Variants in PPM1E observed in about 807,000 individuals in gnomAD.
The protein encoded by PPM1E is protein phosphatase, Mg2+/Mn2+ dependent 1E, also known as protein phosphatase 1E.
A neutral mutation model predicts 65.9 loss-of-function variants in PPM1E; 20 were observed. The observed-to-expected ratio is 0.30, with a 90% confidence interval of 0.21 to 0.44. PPM1E has a LOEUF of 0.44. PPM1E is among the 20% of genes least tolerant of loss of function. The pLI is 1.00. For missense variants in PPM1E, 713 were observed against 953.1 expected, an observed-to-expected ratio of 0.75 and a Z score of 3.32; for synonymous variants, 352 against 374.9, an observed-to-expected ratio of 0.94 and a Z score of 0.70.
intron 1 of PPM1E, among the ~76,000 whole-genome samples, chr17:58,888,418 G>A (rs1454876210): frequency 7.4e-6 from 1 of 134,812 alleles, no homozygotes; most frequent in Non-Finnish European, 1.5e-5. Context: ...AGGCTAGAGT[G>A]CAGAGGCTCA....
intron 1 of PPM1E, among the ~76,000 whole-genome samples, chr17:58,891,282 T>G (rs1280061239): frequency 6.6e-6 from 1 of 151,906 alleles, no homozygotes; most frequent in East Asian, 1.9e-4. Flanking sequence ...AAATAAATTT[T>G]AAATGAATGA....
intron 1 of PPM1E, among the ~76,000 whole-genome samples, chr17:58,829,932 A>G (rs966641530): frequency 2.0e-5 from 3 of 152,142 alleles, no homozygotes; most frequent in Non-Finnish European, 4.4e-5. Context: ...TATAATCCCA[A>G]TACCTTGGGA....
intron 1 of PPM1E, among the ~76,000 whole-genome samples, chr17:58,944,116 C>CA (rs2052111829): frequency 6.6e-6 from 1 of 152,094 alleles, no homozygotes; most frequent in Non-Finnish European, 1.5e-5. Flanking sequence ...GTTACTGCCC[C>CA]ATATCTCTGT....
intron 1 of PPM1E, among the ~76,000 whole-genome samples, chr17:58,934,974 C>T (rs1400866828): frequency 2.0e-5 from 3 of 150,766 alleles, no homozygotes; most frequent in Non-Finnish European, 2.9e-5. Context: ...TAGACTGGGC[C>T]GGGCGCGGTG....
intron 5 of PPM1E, 84 bp downstream of exon 5, chr17:58,972,359 T>C: frequency 6.9e-7 from 1 of 1,454,834 alleles, no homozygotes. Context: ...CACTTACTTT[T>C]TTTTTTTTTG....
chr17:58,919,212 G>A (rs1452422286), intron 1 of PPM1E, among the ~76,000 whole-genome samples: 2 of 152,114 alleles, frequency 1.3e-5, no homozygotes, highest in East Asian at 3.9e-4. Flanking sequence ...AGAGAAGGAA[G>A]AAAACCATAA....
chr17:58,907,431 T>A (rs943575739), intron 1 of PPM1E, among the ~76,000 whole-genome samples: 1 of 152,168 alleles, frequency 6.6e-6, no homozygotes, highest in Non-Finnish European at 1.5e-5. Context: ...TGGATGAATG[T>A]TCCCTATGAG....
At chr17:58,930,502 C>T (rs926920785) in intron 1 of PPM1E, among the ~76,000 whole-genome samples, 4 of 151,948 alleles carry the variant, frequency 2.6e-5, no homozygotes, top group Non-Finnish European at 4.4e-5. Flanking sequence ...AAAAACAGAT[C>T]TGATGAAAGT....
At chr17:58,948,578 A>G (rs889052174) in intron 1 of PPM1E, among the ~76,000 whole-genome samples, 1 of 152,246 alleles carries the variant, frequency 6.6e-6, no homozygotes, top group Non-Finnish European at 1.5e-5. Context: ...ATGAAAAAGA[A>G]AATGTTTAAC....
At chr17:58,782,783 A>G (rs969189810) in intron 1 of PPM1E, among the ~76,000 whole-genome samples, 4 of 152,152 alleles carry the variant, frequency 2.6e-5, no homozygotes, top group African/African-American at 9.7e-5. Flanking sequence ...GTGTGGCAGA[A>G]TAATTAAAAT....
chr17:58,837,335 A>ACACACACG (rs2050672463), intron 1 of PPM1E, among the ~76,000 whole-genome samples: 2 of 100,784 alleles, frequency 2.0e-5, no homozygotes, highest in Non-Finnish European at 4.7e-5. Context: ...ACACACATAC[A>ACACACACG]CACACACACA....
chr17:58,977,801 G>A (rs1238563462), intron 6 of PPM1E, among the ~76,000 whole-genome samples: 1 of 152,146 alleles, frequency 6.6e-6, no homozygotes, highest in African/African-American at 2.4e-5. Flanking sequence ...GGAGTGCAGT[G>A]GCGCAATCTG....
chr17:58,806,109 G>A (rs1221395935), intron 1 of PPM1E, among the ~76,000 whole-genome samples: 1 of 151,062 alleles, frequency 6.6e-6, no homozygotes, highest in African/African-American at 2.4e-5. Flanking sequence ...TATATAAAAA[G>A]AAGACTTTCT....
intron 1 of PPM1E, among the ~76,000 whole-genome samples, chr17:58,812,330 G>C (rs950137432): frequency 3.4e-5 from 2 of 59,322 alleles, no homozygotes; most frequent in African/African-American, 6.6e-5. Flanking sequence ...AAAAAAAAAA[G>C]AATAGGGAGT....
intron 6 of PPM1E, among the ~76,000 whole-genome samples, chr17:58,973,414 CAA>C (rs36102576): frequency 1.2e-3 from 136 of 117,720 alleles, no homozygotes; most frequent in Middle Eastern, 8.6e-3. Flanking sequence ...GAGACTGTCT[CAA>C]AAAAAAAAAA....
chr17:58,773,257 C>A (rs866971793), intron 1 of PPM1E, among the ~76,000 whole-genome samples: 25 of 152,056 alleles, frequency 1.6e-4, no homozygotes, highest in African/African-American at 5.8e-4. Flanking sequence ...GAGTAGTATA[C>A]AAGACAACAC....
At chr17:58,949,040 TGATGTTTCCTTGTTGATTTTCTGCCTA>T (rs2052201329) in intron 1 of PPM1E, among the ~76,000 whole-genome samples, 1 of 152,220 alleles carries the variant, frequency 6.6e-6, no homozygotes, top group Non-Finnish European at 1.5e-5. Flanking sequence ...ATGGTTTATC[TGATGTTTCCTTGTTGATTTTCTGCCTA>T]GATGATTTCT....
chr17:58,799,760 G>T (rs940007535), intron 1 of PPM1E, among the ~76,000 whole-genome samples: 22 of 151,910 alleles, frequency 1.4e-4, no homozygotes, highest in Non-Finnish European at 2.8e-4. Context: ...TTTGTATTTT[G>T]GTAGAGATGG....
intron 1 of PPM1E, among the ~76,000 whole-genome samples, chr17:58,796,974 C>T (rs1420360645): frequency 6.6e-6 from 1 of 152,052 alleles, no homozygotes; most frequent in East Asian, 1.9e-4. Context: ...GGTGTGGTGA[C>T]GGGTGCCTAT....
Sources: allele counts gnomAD v4.1 joint callset (sites outside exome capture counted in the v4.1 genomes callset), GRCh38; gene constraint gnomAD v4.1.1; transcripts MANE v1.5; gene names NCBI Gene and HGNC (gene_info 2026-07-23, HGNC 2026-07-21).